AP1M1: variants seen among roughly 807,000 people sequenced by gnomAD.
AP1M1 encodes adaptor related protein complex 1 subunit mu 1.
Under a neutral mutation model 57.1 loss-of-function variants are expected in AP1M1, and 18 were observed. The observed-to-expected ratio is 0.32, with a 90% CI of 0.22 to 0.47. The LOEUF is 0.47. Ranked by LOEUF, AP1M1 falls within the 20% of genes least tolerant of loss-of-function variation. The pLI is 1.00. For synonymous variants in AP1M1, 241 were observed against 237.9 expected (o/e 1.01, Z -0.12); for missense variants, 362 against 593.5 (o/e 0.61, Z 4.05).
At position 16,206,610 on chromosome 19, in the gene AP1M1, G is replaced by GC; in HGVS notation, c.267+202_267+203insC. 1.6e-6 allele frequency: 1 copy of GC among 627,278 alleles called. No individual in the cohort carries two copies. The highest frequency in any genetic ancestry group is 2.9e-6 in the Non-Finnish European group (1 of 349,646). The allele number at this position is 627,278 out of a possible 1,614,324, so 38.9% of individuals were successfully genotyped here. Reference sequence around the variant, plus strand: ...TAGCTCACGTTGCTCCCCTACCGTGGGGAAGAAAGGAAAGTGAACAGGAAA... The same window carrying GC: ...TAGCTCACGTTGCTCCCCTACCGTGGCGGAAGAAAGGAAAGTGAACAGGAAA... On this transcript the variant is annotated intron_variant, in intron 3 of 11. Coordinates refer to ENST00000291439, the MANE Select transcript of AP1M1 (RefSeq NM_032493.4). This position sits in a 1 kb window ranked among gnomAD's most constrained non-coding sequence, Gnocchi z 4.3.
chr19:16,205,805 T>A (rs1239899698), intron 2 of AP1M1, among the ~76,000 whole-genome samples: 1 of 152,174 alleles, frequency 6.6e-6, no homozygotes, highest in Non-Finnish European at 1.5e-5. Context: ...TTCACAGGCC[T>A]CCATTACACA....
Position 16,198,003 on chromosome 19 carries a change from C to CTGCCGCCGCCACCGCCCTCGGCCGG in AP1M1, c.-19_-18insCCGCCACCGCCCTCGGCCGGTGCCG. The CTGCCGCCGCCACCGCCCTCGGCCGG allele has an allele frequency of 6.4e-7, 1 of 1,569,086 alleles. No individual in the cohort carries two copies. Among genetic ancestry groups the CTGCCGCCGCCACCGCCCTCGGCCGG allele is most frequent in the Non-Finnish European group, 8.6e-7 (1 of 1,162,522 alleles). On this transcript the variant is annotated 5_prime_UTR_variant, in exon 1 of 12. Coordinates refer to ENST00000291439, the MANE Select transcript of AP1M1 (RefSeq NM_032493.4). The stretch of plus-strand genomic sequence containing the variant: ...CTGCCGCCGCCACCGCCCTCGGCCG[C>CTGCCGCCGCCACCGCCCTCGGCCGG]TGCCGAGGCCTCCTGCAGCCATCAT...
intron 5 of AP1M1, among the ~76,000 whole-genome samples, chr19:16,212,724 G>A (rs560542168): frequency 2.0e-5 from 3 of 152,312 alleles, no homozygotes; most frequent in Admixed American, 6.5e-5. Context: ...ACTTTTTGAT[G>A]TGGGCATGTA....
rs370410116 is a variant in AP1M1, at chr19:16,207,975, A to G, written c.268-44A>G. The stretch of plus-strand genomic sequence containing the variant: ...TCATTCATTCCTCATCCGTCCGCTC[A>G]ATGATCTGCCTCCCATTCCTCCCTC... On this transcript the variant is annotated intron_variant, in intron 3 of 11. Transcript: ENST00000291439. The surrounding 1 kb of genome is among the most constrained non-coding windows in gnomAD (Gnocchi z 4.2). The G allele has an allele frequency of 6.3e-7, 1 of 1,589,538 alleles. No individual in the cohort carries two copies. The highest frequency in any genetic ancestry group is 1.1e-5 in the South Asian group (1 of 87,290).
chr19:16,205,673 A>G (rs913852314), intron 2 of AP1M1, among the ~76,000 whole-genome samples: 1 of 152,172 alleles, frequency 6.6e-6, no homozygotes, highest in African/African-American at 2.4e-5. Context: ...CCGGGGACCC[A>G]TTAGGGAAAA....
chr19:16,240,242 C>CTGTG lies in AP1M1; in HGVS notation c.*5835_*5838dup, dbSNP rs981671993. 0.018 allele frequency: 1,708 copies of CTGTG among 96,614 alleles called. 24 individuals carry two copies. The highest frequency in any genetic ancestry group is 0.032 in the African/African-American group (862 of 26,840). The allele number at this position is 96,614 out of a possible 1,614,324, so 6.0% of individuals were successfully genotyped here. A position where few individuals can be genotyped will look rare whatever the true frequency, so the allele number is the denominator to read the frequency against. ...CCCTTGAGGATATGGAGGGACGACT[C>CTGTG]TGTGTGTGTGTGTGTGTGTGTGTGT... On this transcript the variant is annotated 3_prime_UTR_variant, in exon 12 of 12. Coordinates refer to ENST00000291439, the MANE Select transcript of AP1M1 (RefSeq NM_032493.4).
chr19:16,200,042 T>G (rs2091440726), intron 1 of AP1M1, among the ~76,000 whole-genome samples: 1 of 152,130 alleles, frequency 6.6e-6, no homozygotes, highest in African/African-American at 2.4e-5. Context: ...CAAAAGAGGC[T>G]TTTATGGAGT....
At position 16,241,729 on chromosome 19, in the gene AP1M1, T is replaced by TCACGCCTGTAATCC. The variant is rs1003395351; in HGVS notation, c.*7297_*7310dup. 3 of 152,204 alleles carry TCACGCCTGTAATCC rather than the reference T, an allele frequency of 2.0e-5. No homozygotes were observed. The highest frequency in any genetic ancestry group is 7.2e-5 in the African/African-American group (3 of 41,436). 9.4% of individuals were successfully genotyped at this position (152,204 alleles called of 1,614,324 possible). A position where few individuals can be genotyped will look rare whatever the true frequency, so the allele number is the denominator to read the frequency against. On this transcript the variant is annotated 3_prime_UTR_variant, in exon 12 of 12. Transcript: ENST00000291439. ...ATCAGGAGGCACTGGGCGCGGTGGC[T>TCACGCCTGTAATCC]CACGCCTGTAATCCCAGCACTTTGG...
intron 5 of AP1M1, among the ~76,000 whole-genome samples, chr19:16,219,260 A>C (rs2145129176): frequency 6.6e-6 from 1 of 152,178 alleles, no homozygotes; most frequent in South Asian, 2.1e-4. Flanking sequence ...TAGGTTGAGT[A>C]TCCCTTATAC....
chr19:16,202,006 G>A (rs1007442597), intron 1 of AP1M1, among the ~76,000 whole-genome samples: 1 of 152,164 alleles, frequency 6.6e-6, no homozygotes, highest in East Asian at 1.9e-4. Context: ...TGTGTAGGAA[G>A]AGCCCTGTCA....
intron 5 of AP1M1, among the ~76,000 whole-genome samples, chr19:16,209,634 A>G (rs1377787027): frequency 6.6e-6 from 1 of 152,132 alleles, no homozygotes; most frequent in Non-Finnish European, 1.5e-5. Flanking sequence ...AAAAAAAAGA[A>G]ACTAAAGGGC....
intron 5 of AP1M1, 61 bp downstream of exon 5, chr19:16,209,238 A>C: frequency 6.3e-7 from 1 of 1,580,264 alleles, no homozygotes; most frequent in Non-Finnish European, 8.6e-7. Context: ...AGAAATAAAC[A>C]CAGCATTTTA....
At chr19:16,225,487 T>C (rs2091567284) in intron 5 of AP1M1, among the ~76,000 whole-genome samples, 2 of 152,172 alleles carry the variant, frequency 1.3e-5, no homozygotes, top group Non-Finnish European at 2.9e-5. Flanking sequence ...TCCTCACCTC[T>C]AAAATGGATG....
At chr19:16,229,595 T>A (rs1454049485) in intron 9 of AP1M1, among the ~76,000 whole-genome samples, 1 of 152,166 alleles carries the variant, frequency 6.6e-6, no homozygotes, top group Non-Finnish European at 1.5e-5. Context: ...TCCATCTGCA[T>A]CCCAGGGGGA....
rs1160472009 is a variant in AP1M1 at position 16,242,069 on chromosome 19, T to G, written c.*7634T>G. 2 of 151,752 alleles carry G rather than the reference T, an allele frequency of 1.3e-5. No individual in the cohort carries two copies. Among genetic ancestry groups the G allele is most frequent in the East Asian group, 3.9e-4 (2 of 5,188 alleles). The allele number at this position is 151,752 out of a possible 1,614,324, so 9.4% of individuals were successfully genotyped here. ...GGCTCATGCCTGTAATCCCAGTGCTTTGGGAGGCTGAGGCTGAGACAGGTG... is the reference window on the plus strand; with the variant it reads ...GGCTCATGCCTGTAATCCCAGTGCTGTGGGAGGCTGAGGCTGAGACAGGTG... On this transcript the variant is annotated 3_prime_UTR_variant, in exon 12 of 12. Transcript: ENST00000291439.
intron 5 of AP1M1, among the ~76,000 whole-genome samples, chr19:16,211,429 G>A (rs1417277722): frequency 2.0e-5 from 3 of 152,118 alleles, no homozygotes; most frequent in African/African-American, 7.2e-5. Flanking sequence ...GTGAGAGAGG[G>A]CATCTTTGTC....
rs981671993 is a variant in AP1M1, at chr19:16,240,242, CTG to C, written c.*5837_*5838del. Reference sequence around the variant, plus strand: ...CCCTTGAGGATATGGAGGGACGACTCTGTGTGTGTGTGTGTGTGTGTGTGTGT... The same window carrying C: ...CCCTTGAGGATATGGAGGGACGACTCTGTGTGTGTGTGTGTGTGTGTGTGT... On this transcript the variant is annotated 3_prime_UTR_variant, in exon 12 of 12. Transcript: ENST00000291439. 0.048 allele frequency: 4,687 copies of C among 96,698 alleles called. 64 individuals carry two copies. Among genetic ancestry groups the C allele is most frequent in the Middle Eastern group, 0.07 (15 of 214 alleles). 6.0% of individuals were successfully genotyped at this position (96,698 alleles called of 1,614,324 possible). A position where few individuals can be genotyped will look rare whatever the true frequency, so the allele number is the denominator to read the frequency against.
Position 16,242,953 on chromosome 19 carries a change from G to C in AP1M1, c.*8518G>C, listed in dbSNP as rs2091650548. 6.6e-6 allele frequency: 1 copy of C among 151,884 alleles called. No homozygotes were observed. Among genetic ancestry groups the C allele is most frequent in the Non-Finnish European group, 1.5e-5 (1 of 68,006 alleles). The allele number at this position is 151,884 out of a possible 1,614,324, so 9.4% of individuals were successfully genotyped here. On this transcript the variant is annotated 3_prime_UTR_variant, in exon 12 of 12. Transcript: ENST00000291439. ...TATTTTTGTATTTTTTTTATTTTTA[G>C]TAGAGACAGGGTTTTGCCATGTTGG...
At chr19:16,232,221 C>T (rs1174726846) in intron 9 of AP1M1, among the ~76,000 whole-genome samples, 1 of 152,222 alleles carries the variant, frequency 6.6e-6, no homozygotes, top group Non-Finnish European at 1.5e-5. Context: ...TTTGGCAGCA[C>T]GCCTGTCAAT....
Sources: allele counts gnomAD v4.1 joint callset (sites outside exome capture counted in the v4.1 genomes callset), GRCh38; gene constraint gnomAD v4.1.1; non-coding constraint Gnocchi (gnomAD v3.1); transcripts MANE v1.5; gene names NCBI Gene and HGNC (gene_info 2026-07-23, HGNC 2026-07-21).